The following SLC27A6 variants were observed in gnomAD, a reference collection of about 807,000 sequenced individuals.
SLC27A6 encodes solute carrier family 27 member 6.
A neutral mutation model predicts 63.9 loss-of-function variants in SLC27A6; 74 were observed. The observed-to-expected ratio is 1.16, with a 90% CI of 0.96 to 1.40. SLC27A6 has a LOEUF of 1.40. Among genes scored for constraint, SLC27A6 ranks in the 40% most tolerant of loss-of-function variants. The pLI is 0.00. For missense variants in SLC27A6, 794 were observed against 732.9 expected (o/e 1.08, Z -0.96); for synonymous variants, 287 against 260.8 (o/e 1.10, Z -0.97).
At chr5:128,969,691 C>A (rs1430703913) in intron 1 of SLC27A6, among the ~76,000 whole-genome samples, 3 of 152,160 alleles carry the variant, frequency 2.0e-5, no homozygotes, top group Non-Finnish European at 2.9e-5. Context: ...TCTAAATATA[C>A]AATCATGTCA....
intron 5 of SLC27A6, among the ~76,000 whole-genome samples, chr5:129,022,538 CT>C (rs5871337): frequency 0.24 from 36,970 of 152,096 alleles, 5,709 homozygotes; most frequent in Non-Finnish European, 0.35. Flanking sequence ...TCTTCTCCTG[CT>C]TTCCCCCCAT....
chr5:128,986,193 A>C (rs767815577), intron 2 of SLC27A6, among the ~76,000 whole-genome samples: 3 of 152,148 alleles, frequency 2.0e-5, no homozygotes, highest in Non-Finnish European at 4.4e-5. Context: ...ATGCACCTGT[A>C]GTACCAGCTA....
rs757778824 is a variant in SLC27A6 at position 128,966,374 on chromosome 5, C to G, written c.237C>G (p.Ile79Met). 108 of 1,613,786 alleles carry G rather than the reference C, an allele frequency of 6.7e-5. No homozygotes were observed. Among genetic ancestry groups the G allele is most frequent in the Non-Finnish European group, 9.0e-5 (106 of 1,179,938 alleles). ...RKPFIIYEGD[I>M]YTYQDVDKRS... is the part of the protein sequence containing the mutation. ...CTTTCATCATCTATGAGGGAGACAT[C>G]TACACCTATCAGGATGTAGACAAAA... Residue 79 changes from isoleucine (I) to methionine (M), a missense_variant, in exon 1 of 10, where the codon ATC becomes ATG. Transcript: ENST00000262462.
rs1243517238 is a variant in SLC27A6 at position 128,998,119 on chromosome 5, A to C, written c.969+7655A>C. ...ACATAGTGACAGTCCCATCTCTACAAAAAAAAAAAAAAAAAAAAAATTAGC... is the reference window on the plus strand; with the variant it reads ...ACATAGTGACAGTCCCATCTCTACACAAAAAAAAAAAAAAAAAAAATTAGC... On this transcript the variant is annotated intron_variant, in intron 4 of 9. Coordinates refer to ENST00000262462, the MANE Select transcript of SLC27A6 (RefSeq NM_001017372.3). Among the ~76,000 whole-genome samples the C allele has an allele frequency of 4.3e-4, 5 of 11,546 alleles. No homozygotes were observed. The Admixed American group carries it at 7.3e-3, about 17-fold the overall frequency. The allele number at this position is 11,546 out of a possible 152,430, so 7.6% of individuals were successfully genotyped here.
intron 5 of SLC27A6, among the ~76,000 whole-genome samples, chr5:129,023,262 TA>T (rs1223394455): frequency 1.3e-5 from 2 of 152,146 alleles, no homozygotes; most frequent in East Asian, 1.9e-4. Flanking sequence ...AGGGCTATTT[TA>T]AATAAATGGC....
At chr5:129,019,475 G>GAA (rs200536926) in intron 5 of SLC27A6, among the ~76,000 whole-genome samples, 2 of 149,156 alleles carry the variant, frequency 1.3e-5, no homozygotes, top group Non-Finnish European at 3.0e-5. Context: ...AAGGCAGCTG[G>GAA]AAAAAAAAAT....
chr5:129,014,968 TG>T (rs1438992250), intron 4 of SLC27A6, among the ~76,000 whole-genome samples: 1 of 152,210 alleles, frequency 6.6e-6, no homozygotes, highest in Non-Finnish European at 1.5e-5. Flanking sequence ...ACCATTTAAA[TG>T]GTGTTTAGAG....
At position 128,969,290 on chromosome 5, in the gene SLC27A6, A is replaced by G. The variant is rs557735100; in HGVS notation, c.481+2672A>G. Among the ~76,000 whole-genome samples, 32 of 152,186 alleles carry G rather than the reference A, an allele frequency of 2.1e-4. No individual in the cohort carries two copies. In the East Asian group the frequency reaches 3.1e-3, roughly 15 times the overall value. On this transcript the variant is annotated intron_variant, in intron 1 of 9. Coordinates refer to ENST00000262462, the MANE Select transcript of SLC27A6 (RefSeq NM_001017372.3). ...ATGAACTTTAAAGTAGTTTTTTCCAATTCTGTGAAGAAAGTCATTGGTAGC... is the reference window on the plus strand; with the variant it reads ...ATGAACTTTAAAGTAGTTTTTTCCAGTTCTGTGAAGAAAGTCATTGGTAGC...
intron 1 of SLC27A6, among the ~76,000 whole-genome samples, chr5:128,968,698 T>A (rs1054187516): frequency 1.3e-5 from 2 of 152,328 alleles, no homozygotes; most frequent in Non-Finnish European, 2.9e-5. Flanking sequence ...AAAAATTTTC[T>A]CCCATTCTAT....
chr5:128,982,730 C>G (rs2150132867), intron 1 of SLC27A6, among the ~76,000 whole-genome samples: 1 of 152,286 alleles, frequency 6.6e-6, no homozygotes, highest in South Asian at 2.1e-4. Context: ...TCCTATCATC[C>G]TTGGTGATTT....
At position 128,976,611 on chromosome 5, in the gene SLC27A6, G is replaced by A. The variant is rs548340167; in HGVS notation, c.482-8522G>A. ...TCTTTAAAAAACAATTGCCTTTATG[G>A]TTGAAAGTCATTTGGAGAATTACAA... is the stretch of plus-strand genomic sequence containing the variant. On this transcript the variant is annotated intron_variant, in intron 1 of 9. Coordinates refer to ENST00000262462, the MANE Select transcript of SLC27A6 (RefSeq NM_001017372.3). Among the ~76,000 whole-genome samples, 226 of 152,254 alleles carry A rather than the reference G, an allele frequency of 1.5e-3. 1 individual carries two copies. The highest frequency in any genetic ancestry group is 5.2e-3 in the African/African-American group (215 of 41,546).
chr5:128,989,052 C>G (rs990563462), intron 3 of SLC27A6, among the ~76,000 whole-genome samples: 2 of 152,204 alleles, frequency 1.3e-5, no homozygotes, highest in East Asian at 3.9e-4. Flanking sequence ...CCAGATTCCT[C>G]AAATGTAGTA....
chr5:128,967,149 C>A (rs1355523534), intron 1 of SLC27A6, among the ~76,000 whole-genome samples: 3 of 152,044 alleles, frequency 2.0e-5, no homozygotes, highest in Non-Finnish European at 1.5e-5. Flanking sequence ...AGAACGTGGG[C>A]TCTTGGCAGA....
chr5:128,999,361 T>G (rs1217570698), intron 4 of SLC27A6, among the ~76,000 whole-genome samples: 1 of 152,136 alleles, frequency 6.6e-6, no homozygotes, highest in Non-Finnish European at 1.5e-5. Context: ...CTTCAAAGTC[T>G]CTTCATTGCT....
At chr5:128,978,516 T>C (rs973199690) in intron 1 of SLC27A6, among the ~76,000 whole-genome samples, 6 of 152,222 alleles carry the variant, frequency 3.9e-5, no homozygotes, top group Non-Finnish European at 8.8e-5. Context: ...GTGGTTTAGC[T>C]GAAATCTTTT....
At chr5:129,016,395 C>CAAAAAA (rs759333355) in intron 5 of SLC27A6, among the ~76,000 whole-genome samples, 5,987 of 63,980 alleles carry the variant, frequency 0.094, 469 homozygotes, top group East Asian at 0.26. Context: ...GACTCTGTCT[C>CAAAAAA]AAAAAAAAAA....
intron 1 of SLC27A6, among the ~76,000 whole-genome samples, chr5:128,970,197 T>C (rs1292477365): frequency 4.1e-5 from 6 of 146,228 alleles, no homozygotes; most frequent in Non-Finnish European, 9.3e-5. Flanking sequence ...TGCATCAGTG[T>C]TCATCAAGGA....
rs1749867090 is a variant in SLC27A6, at chr5:128,965,916, C to G, written c.-222C>G. 1 of 438,246 alleles carries G rather than the reference C, an allele frequency of 2.3e-6. No individual in the cohort carries two copies. The highest frequency in any genetic ancestry group is 2.0e-5 in the African/African-American group (1 of 49,948). The allele number at this position is 438,246 out of a possible 1,614,324, so 27.1% of individuals were successfully genotyped here. ...CTTTCCAGCCGCCCAGTGACCCAAG[C>G]TTAATCTTCAGCACCACTTGGGGCG... On this transcript the variant is annotated 5_prime_UTR_variant, in exon 1 of 10. Transcript: ENST00000262462.
At chr5:128,994,923 G>A (rs544728175) in intron 4 of SLC27A6, among the ~76,000 whole-genome samples, 1 of 152,224 alleles carries the variant, frequency 6.6e-6, no homozygotes, top group South Asian at 2.1e-4. Context: ...AAGTTCTTTT[G>A]GCATAAACGT....
Sources: allele counts gnomAD v4.1 joint callset (sites outside exome capture counted in the v4.1 genomes callset), GRCh38; gene constraint gnomAD v4.1.1; transcripts MANE v1.5; gene names NCBI Gene and HGNC (gene_info 2026-07-23, HGNC 2026-07-21).